The following TRPM3 variants were observed in gnomAD, a reference collection of about 807,000 sequenced individuals.
TRPM3 encodes the protein long transient receptor potential channel 3.
A neutral mutation model predicts 181.2 loss-of-function variants in TRPM3; 77 were observed. That is an observed-to-expected ratio of 0.42 (90% CI 0.35 to 0.51). TRPM3 has a LOEUF of 0.51. Among genes scored for constraint, TRPM3 ranks in the 20% least tolerant of loss-of-function variants. TRPM3 has a pLI of 0.01. For synonymous variants in TRPM3, 745 were observed against 796.4 expected, an observed-to-expected ratio of 0.94 and a Z score of 1.09; for missense variants, 1,759 against 2,196.7, an observed-to-expected ratio of 0.80 and a Z score of 3.98.
chr9:70,574,438 C>T (rs1213134480), intron 22 of TRPM3, among the ~76,000 whole-genome samples: 1 of 152,170 alleles, frequency 6.6e-6, no homozygotes, highest in African/African-American at 2.4e-5. Context: ...CCTCCTTATT[C>T]TGCATAGCTT....
intron 1 of TRPM3, among the ~76,000 whole-genome samples, chr9:71,431,918 T>C (rs968307598): frequency 6.6e-6 from 1 of 152,202 alleles, no homozygotes; most frequent in African/African-American, 2.4e-5. Flanking sequence ...TTTCACTTAC[T>C]TCACACACAA....
At chr9:70,848,753 G>A (rs541800925) in intron 3 of TRPM3, among the ~76,000 whole-genome samples, 1 of 29,066 alleles carries the variant, frequency 3.4e-5, no homozygotes, top group Non-Finnish European at 8.1e-5. Flanking sequence ...CGAGGCGGGC[G>A]GATCACGAGG....
chr9:70,815,054 G>T (rs1320276759), intron 6 of TRPM3, among the ~76,000 whole-genome samples: 2 of 152,024 alleles, frequency 1.3e-5, no homozygotes, highest in African/African-American at 4.8e-5. Context: ...CCTGGAAACT[G>T]TAACTAATCA....
intron 1 of TRPM3, among the ~76,000 whole-genome samples, chr9:71,265,059 CT>C (rs1289829080): frequency 2.0e-5 from 3 of 151,988 alleles, no homozygotes; most frequent in Non-Finnish European, 4.4e-5. Context: ...GAAACACCCA[CT>C]TAGTTTTCTT....
chr9:70,808,025 T>C (rs1365590584), intron 6 of TRPM3, among the ~76,000 whole-genome samples: 2 of 152,186 alleles, frequency 1.3e-5, no homozygotes, highest in South Asian at 2.1e-4. Flanking sequence ...AGGGAAACTG[T>C]AAGTATCTTG....
intron 1 of TRPM3, among the ~76,000 whole-genome samples, chr9:71,136,165 C>T (rs183395552): frequency 1.3e-5 from 2 of 152,328 alleles, no homozygotes; most frequent in Admixed American, 6.5e-5. Context: ...AGGAAGTTCA[C>T]ATAGCATGTT....
intron 1 of TRPM3, among the ~76,000 whole-genome samples, chr9:71,142,550 A>T (rs1411429554): frequency 6.6e-6 from 1 of 152,108 alleles, no homozygotes; most frequent in Non-Finnish European, 1.5e-5. Context: ...ATACACACAC[A>T]TATATACTTT....
intron 7 of TRPM3, among the ~76,000 whole-genome samples, chr9:70,782,182 A>G (rs979954494): frequency 6.7e-6 from 1 of 150,190 alleles, no homozygotes; most frequent in Non-Finnish European, 1.5e-5. Flanking sequence ...GACTTAGAGA[A>G]AGGAGAACCT....
chr9:71,019,970 TGGTTGGATAC>T (rs1368022452), intron 1 of TRPM3, among the ~76,000 whole-genome samples: 1 of 152,114 alleles, frequency 6.6e-6, no homozygotes, highest in East Asian at 1.9e-4. Context: ...GGAACCAAAT[TGGTTGGATAC>T]TCACATGGGA....
chr9:71,287,331 C>T (rs1307647415), intron 1 of TRPM3, among the ~76,000 whole-genome samples: 1 of 151,642 alleles, frequency 6.6e-6, no homozygotes, highest in Non-Finnish European at 1.5e-5. Flanking sequence ...CTTGCCTTAC[C>T]TTCTGAAGTC....
intron 20 of TRPM3, among the ~76,000 whole-genome samples, chr9:70,600,079 C>T (rs2059617748): frequency 6.6e-6 from 1 of 152,134 alleles, no homozygotes; most frequent in African/African-American, 2.4e-5. Context: ...CTTGCCTTAC[C>T]TTAAACTTAG....
In TRPM3 at chr9:70,929,343, A is replaced by T. The variant is rs893541895; in HGVS notation, c.178-64832T>A. 1.1e-3 allele frequency among the ~76,000 whole-genome samples: 171 copies of T among 152,024 alleles called. 1 individual carries two copies. Among genetic ancestry groups the T allele is most frequent in the African/African-American group, 3.9e-3 (163 of 41,384 alleles). On this transcript the variant is annotated intron_variant, in intron 1 of 25. Transcript: ENST00000677713. ...CAGCCTCTCGAGTAGCTGGGATCAC[A>T]GGTGCCCGCCACCATGCCCAGCTGA...
chr9:70,853,983 G>C (rs1475897216), intron 3 of TRPM3, among the ~76,000 whole-genome samples: 1 of 152,190 alleles, frequency 6.6e-6, no homozygotes, highest in Non-Finnish European at 1.5e-5. Context: ...TGCTCATAAA[G>C]ATCAGTTCCT....
chr9:70,999,767 A>T (rs552901208), intron 1 of TRPM3, among the ~76,000 whole-genome samples: 229 of 152,332 alleles, frequency 1.5e-3, no homozygotes, highest in African/African-American at 5.1e-3. Flanking sequence ...ATGTCACGCC[A>T]GAAAAAGGTG....
chr9:70,986,540 C>T (rs1386199244), intron 1 of TRPM3, among the ~76,000 whole-genome samples: 1 of 151,980 alleles, frequency 6.6e-6, no homozygotes, highest in Non-Finnish European at 1.5e-5. Context: ...CAGACAGTTC[C>T]CATGTGAGGT....
chr9:70,973,118 T>C (rs1564877810), intron 1 of TRPM3, among the ~76,000 whole-genome samples: 1 of 152,192 alleles, frequency 6.6e-6, no homozygotes, highest in Non-Finnish European at 1.5e-5. Context: ...GGAATTTGTT[T>C]CTGCTGAATT....
chr9:71,197,538 T>C (rs981641808), intron 1 of TRPM3, among the ~76,000 whole-genome samples: 1 of 151,842 alleles, frequency 6.6e-6, no homozygotes, highest in Non-Finnish European at 1.5e-5. Flanking sequence ...ACCTGTTGTT[T>C]CCTGACTTTT....
chr9:70,782,288 T>A (rs2082631181), intron 7 of TRPM3, among the ~76,000 whole-genome samples: 1 of 151,882 alleles, frequency 6.6e-6, no homozygotes, highest in Non-Finnish European at 1.5e-5. Flanking sequence ...TCACTGCAAC[T>A]GCAACCTCTG....
intron 25 of TRPM3, among the ~76,000 whole-genome samples, chr9:70,540,264 G>A (rs751306323): frequency 6.6e-6 from 1 of 152,228 alleles, no homozygotes; most frequent in Non-Finnish European, 1.5e-5. Flanking sequence ...TAGCTCTCTA[G>A]TGCTAGGAGA....
Sources: gnomAD v4.1 joint callset for allele counts (sites outside exome capture counted in the v4.1 genomes callset) on GRCh38, gnomAD v4.1.1 for gene constraint, MANE v1.5 for transcripts, NCBI Gene and HGNC (gene_info 2026-07-23, HGNC 2026-07-21) for gene names.